The following FBXO34 variants were observed in gnomAD, a reference collection of about 807,000 sequenced individuals.
The protein encoded by FBXO34 is F-box protein 34, also known as F-box only protein 34.
Under a neutral mutation model 24.5 loss-of-function variants are expected in FBXO34, and 12 were observed. The ratio of observed to expected loss-of-function variants is 0.49; its 90% CI spans 0.31 to 0.79. FBXO34 has a LOEUF of 0.79. FBXO34 is among the 30% of genes least tolerant of loss of function. The pLI is 0.04. For synonymous variants in FBXO34, 320 were observed against 311.9 expected, an observed-to-expected ratio of 1.03 and a Z score of -0.27; for missense variants, 823 against 857.7, an observed-to-expected ratio of 0.96 and a Z score of 0.51.
At chr14:55,369,432 T>G (rs1884760448), downstream of FBXO34, 1 of 490,838 alleles carries the variant, frequency 2.0e-6, no homozygotes, top group African/African-American at 1.9e-5. Flanking sequence ...CATAAGCATG[T>G]TGGTCACCAT....
At chr14:55,413,559 T>C in the FBXO34 span, 1 of 430,812 alleles carries the variant, frequency 2.3e-6, no homozygotes, top group Non-Finnish European at 4.7e-6. Flanking sequence ...ACACCTATTA[T>C]GCCATGAACT....
downstream of FBXO34, among the ~76,000 whole-genome samples, chr14:55,374,610 C>T (rs1280717495): frequency 6.6e-6 from 1 of 152,136 alleles, no homozygotes; most frequent in Non-Finnish European, 1.5e-5. Context: ...TCCCTCACCA[C>T]CCTATCATTA....
chr14:55,398,010 C>T, the FBXO34 span, among the ~76,000 whole-genome samples: 19 of 132,690 alleles, frequency 1.4e-4, no homozygotes, highest in East Asian at 1.3e-3. Flanking sequence ...TGTAGTGGTG[C>T]GATCTTGGCT....
At chr14:55,376,914 A>C in the FBXO34 span, among the ~76,000 whole-genome samples, 1 of 152,222 alleles carries the variant, frequency 6.6e-6, no homozygotes, top group African/African-American at 2.4e-5. Flanking sequence ...CTGAGAGAAT[A>C]AAAAGATCTC....
At chr14:55,338,921 CAAAAA>C (rs59912336) in intron 1 of FBXO34, among the ~76,000 whole-genome samples, 4 of 134,606 alleles carry the variant, frequency 3.0e-5, no homozygotes, top group African/African-American at 1.1e-4. Flanking sequence ...CAAAAAAAAA[CAAAAA>C]AAAAAAAGCC....
intron 1 of FBXO34, among the ~76,000 whole-genome samples, chr14:55,316,846 C>G (rs949148985): frequency 1.3e-5 from 2 of 152,094 alleles, no homozygotes; most frequent in African/African-American, 2.4e-5. Context: ...AAAGTTGATC[C>G]TGCTCTCTTT....
rs1193535873 is a variant in FBXO34 at position 55,331,729 on chromosome 14, G to GTA, written c.-10-18642_-10-18641dup. ...TGTATATATATATGTATATATATAT[G>GTA]TATATATATATGTGTGTATATATAT... On this transcript the variant is annotated intron_variant, in intron 1 of 1. Coordinates refer to ENST00000313833, the MANE Select transcript of FBXO34 (RefSeq NM_017943.4). Among the ~76,000 whole-genome samples the GTA allele has an allele frequency of 8.1e-3, 228 of 28,030 alleles. 77 individuals are homozygous for GTA. The African/African-American group carries it at 0.088, about 11-fold the overall frequency. The allele number at this position is 28,030 out of a possible 152,430, so 18.4% of individuals were successfully genotyped here.
intron 1 of FBXO34, among the ~76,000 whole-genome samples, chr14:55,344,278 C>G (rs1387537971): frequency 6.6e-6 from 1 of 151,968 alleles, no homozygotes; most frequent in Non-Finnish European, 1.5e-5. Context: ...GGGCACAATT[C>G]TTTATTTGAC....
At chr14:55,414,712 G>A in the FBXO34 span, among the ~76,000 whole-genome samples, 9 of 152,174 alleles carry the variant, frequency 5.9e-5, no homozygotes, top group Admixed American at 5.9e-4. Flanking sequence ...AGTATGAAAT[G>A]TGGAATGTTA....
At chr14:55,332,083 A>AAT (rs200958593) in intron 1 of FBXO34, among the ~76,000 whole-genome samples, 7 of 83,842 alleles carry the variant, frequency 8.3e-5, no homozygotes, top group East Asian at 3.6e-4. Context: ...GGTATGTATA[A>AAT]ATATATATAT....
At chr14:55,415,984 A>C in the FBXO34 span, among the ~76,000 whole-genome samples, 1 of 152,242 alleles carries the variant, frequency 6.6e-6, no homozygotes, top group African/African-American at 2.4e-5. Context: ...AAAGCCAGAC[A>C]TGAAAAGTCA....
At position 55,351,699 on chromosome 14, in the gene FBXO34, A is replaced by G; in HGVS notation, c.1309A>G (p.Arg437Gly). 1 of 1,614,248 alleles carries G rather than the reference A, an allele frequency of 6.2e-7. No homozygotes were observed. The highest frequency in any genetic ancestry group is 8.5e-7 in the Non-Finnish European group (1 of 1,180,050). The change falls in exon 2 of 2, where the codon AGA (arginine) becomes GGA (glycine). Residue 437 changes from arginine (R) to glycine (G), a missense_variant. Arg to Gly is a moderately radical substitution (Grantham distance 125, BLOSUM62 -2). Coordinates refer to ENST00000313833, the MANE Select transcript of FBXO34 (RefSeq NM_017943.4). ...LPTDAVDCMS[R>G]ELVSLTSRNP... ...CACAGATGCTGTTGATTGTATGAGCAGAGAGCTTGTGTCCCTTACTAGCCG... is the reference window on the plus strand; with the variant it reads ...CACAGATGCTGTTGATTGTATGAGCGGAGAGCTTGTGTCCCTTACTAGCCG...
rs888493987 is a variant in FBXO34 at position 55,298,942 on chromosome 14, C to T, written c.-11+27405C>T. 102 of 1,577,528 alleles carry T rather than the reference C, an allele frequency of 6.5e-5. 1 individual carries two copies. Among genetic ancestry groups the T allele is most frequent in the Non-Finnish European group, 8.8e-5 (101 of 1,146,522 alleles). The stretch of plus-strand genomic sequence containing the variant: ...GAGGTGCTCAAGAACATGGGCTCTG[C>T]AGCCAAGGCCAAGAAGGCGGCCCAC... On this transcript the variant is annotated intron_variant, in intron 1 of 1. Coordinates refer to ENST00000313833, the MANE Select transcript of FBXO34 (RefSeq NM_017943.4).
intron 1 of FBXO34, among the ~76,000 whole-genome samples, chr14:55,333,675 A>G (rs1883674891): frequency 6.6e-6 from 1 of 151,050 alleles, no homozygotes. Flanking sequence ...TTGGGTGTGT[A>G]GGAGTCTTTT....
chr14:55,341,947 C>T (rs1227662632), intron 1 of FBXO34, among the ~76,000 whole-genome samples: 1 of 152,202 alleles, frequency 6.6e-6, no homozygotes, highest in East Asian at 1.9e-4. Flanking sequence ...TCTCTTCCCT[C>T]CCTACTCCAA....
intron 1 of FBXO34, chr14:55,318,320 T>A (rs1464176602): frequency 5.0e-5 from 5 of 100,090 alleles, no homozygotes; most frequent in African/African-American, 2.0e-4. Context: ...CAATCCCCTG[T>A]TGGTTTGCAA....
chr14:55,402,008 G>A, the FBXO34 span, among the ~76,000 whole-genome samples: 10 of 152,148 alleles, frequency 6.6e-5, no homozygotes, highest in African/African-American at 2.2e-4. Flanking sequence ...TCTGTTCCCC[G>A]GCTACAATCA....
the FBXO34 span, among the ~76,000 whole-genome samples, chr14:55,396,137 T>C: frequency 2.0e-5 from 3 of 152,350 alleles, no homozygotes; most frequent in Admixed American, 2.0e-4. Flanking sequence ...AAATTCCCTG[T>C]TCTCTGCAAT....
downstream of FBXO34, among the ~76,000 whole-genome samples, chr14:55,372,998 A>G (rs889164419): frequency 2.3e-5 from 3 of 132,992 alleles, no homozygotes; most frequent in Non-Finnish European, 5.0e-5. Flanking sequence ...CTGAGAAGCC[A>G]CAGAGCAGGA....
Sources: gnomAD v4.1 joint callset for allele counts (sites outside exome capture counted in the v4.1 genomes callset) on GRCh38, gnomAD v4.1.1 for gene constraint, MANE v1.5 for transcripts, NCBI Gene and HGNC (gene_info 2026-07-23, HGNC 2026-07-21) for gene names.